Variants in ARHGEF10 observed in about 807,000 individuals in gnomAD.
ARHGEF10 encodes the protein Rho guanine nucleotide exchange factor (GEF) 10.
In ARHGEF10, 140 loss-of-function variants were observed where a neutral mutation model predicts 147.4. The observed-to-expected ratio is 0.95, with a 90% CI of 0.83 to 1.09. The LOEUF is 1.09. ARHGEF10 is among the 50% of genes least tolerant of loss of function. ARHGEF10 has a pLI of 0.00. For synonymous variants in ARHGEF10, 902 were observed against 695.8 expected, an observed-to-expected ratio of 1.30 and a Z score of -4.67; for missense variants, 2,222 against 1,752.7, an observed-to-expected ratio of 1.27 and a Z score of -4.78.
chr8:1,853,628 T>C (rs1394380795), intron 2 of ARHGEF10, among the ~76,000 whole-genome samples: 1 of 152,216 alleles, frequency 6.6e-6, no homozygotes, highest in Non-Finnish European at 1.5e-5. Flanking sequence ...CTTGCCTGGC[T>C]CCCGCCAGGG....
intron 2 of ARHGEF10, among the ~76,000 whole-genome samples, chr8:1,854,566 A>T (rs1805405056): frequency 1.3e-5 from 2 of 151,350 alleles, no homozygotes; most frequent in Non-Finnish European, 3.0e-5. Flanking sequence ...CCAGTCTTTC[A>T]ATGACAGCAG....
chr8:1,824,895 A>C (rs1000811324), intron 1 of ARHGEF10, among the ~76,000 whole-genome samples: 1 of 10,106 alleles, frequency 9.9e-5, no homozygotes, highest in Non-Finnish European at 1.7e-4. Flanking sequence ...AGTTCCCCGC[A>C]CCCCGTGTAC....
At chr8:1,941,647 G>C (rs554442570) in intron 26 of ARHGEF10, among the ~76,000 whole-genome samples, 2 of 151,978 alleles carry the variant, frequency 1.3e-5, no homozygotes, top group Admixed American at 1.3e-4. Context: ...AGGGGATCCA[G>C]AATAGCCAAA....
chr8:1,871,498 C>G (rs1332479567), intron 7 of ARHGEF10, among the ~76,000 whole-genome samples: 1 of 151,966 alleles, frequency 6.6e-6, no homozygotes, highest in Non-Finnish European at 1.5e-5. Flanking sequence ...ATTTTAAAGT[C>G]TAAGGAATTA....
chr8:1,838,041 C>T (rs1220327405), intron 1 of ARHGEF10, among the ~76,000 whole-genome samples: 2 of 152,162 alleles, frequency 1.3e-5, no homozygotes, highest in South Asian at 2.1e-4. Context: ...GAGTTCAGGG[C>T]GTTTATTCAT....
chr8:1,837,362 C>A (rs986296741), intron 1 of ARHGEF10, among the ~76,000 whole-genome samples: 1 of 152,220 alleles, frequency 6.6e-6, no homozygotes, highest in Non-Finnish European at 1.5e-5. Flanking sequence ...AGCTGTCACC[C>A]TTAAAAAGGG....
intron 13 of ARHGEF10, among the ~76,000 whole-genome samples, chr8:1,896,071 C>G (rs1809945660): frequency 6.6e-6 from 1 of 152,164 alleles, no homozygotes; most frequent in African/African-American, 2.4e-5. Flanking sequence ...ACATTCTTAA[C>G]TGAAACCCAA....
intron 15 of ARHGEF10, among the ~76,000 whole-genome samples, chr8:1,900,959 G>T (rs1701246064): frequency 6.6e-6 from 1 of 152,102 alleles, no homozygotes; most frequent in Non-Finnish European, 1.5e-5. Context: ...TCCTAGATGT[G>T]CCGAGCAGTT....
chr8:1,936,408 G>A (rs1236348374), intron 26 of ARHGEF10, among the ~76,000 whole-genome samples: 2 of 152,162 alleles, frequency 1.3e-5, no homozygotes, highest in South Asian at 4.1e-4. Context: ...TATTCGGGAG[G>A]CTGAAGTGGG....
At chr8:1,938,323 G>T (rs1563314190) in intron 26 of ARHGEF10, among the ~76,000 whole-genome samples, 2 of 152,176 alleles carry the variant, frequency 1.3e-5, no homozygotes, top group African/African-American at 4.8e-5. Flanking sequence ...GCCTGGACAG[G>T]TTTCTTGCTT....
At chr8:1,887,805 G>T (rs1808819738) in intron 11 of ARHGEF10, among the ~76,000 whole-genome samples, 1 of 140,534 alleles carries the variant, frequency 7.1e-6, no homozygotes, top group African/African-American at 2.7e-5. Context: ...TAAGGGTTGT[G>T]GGGAGATGCT....
intron 26 of ARHGEF10, among the ~76,000 whole-genome samples, chr8:1,942,184 C>G (rs1461839316): frequency 6.7e-6 from 1 of 149,772 alleles, no homozygotes; most frequent in African/African-American, 2.5e-5. Flanking sequence ...AAAAGACAAC[C>G]CACAGAGTGG....
At chr8:1,938,076 G>C (rs900494046) in intron 26 of ARHGEF10, among the ~76,000 whole-genome samples, 41 of 152,326 alleles carry the variant, frequency 2.7e-4, no homozygotes, top group African/African-American at 9.1e-4. Context: ...GCCGTCAGGA[G>C]CAGATGGGAA....
At chr8:1,834,367 A>T (rs1033417905) in intron 1 of ARHGEF10, among the ~76,000 whole-genome samples, 1 of 152,174 alleles carries the variant, frequency 6.6e-6, no homozygotes, top group Non-Finnish European at 1.5e-5. Context: ...AGACGGTCTC[A>T]GTCCGAGGTG....
At chr8:1,824,477 G>A (rs1223180560) in intron 1 of ARHGEF10, among the ~76,000 whole-genome samples, 6 of 151,912 alleles carry the variant, frequency 3.9e-5, no homozygotes, top group Non-Finnish European at 8.8e-5. Flanking sequence ...CGGTAAAGGA[G>A]AAGAATGCGG....
chr8:1,925,938 G>A (rs4875938), intron 22 of ARHGEF10, among the ~76,000 whole-genome samples: 1 of 152,092 alleles, frequency 6.6e-6, no homozygotes, highest in East Asian at 1.9e-4. Flanking sequence ...TCTCACCCTG[G>A]TCTCTGGCCA....
At chr8:1,942,811 T>G (rs1448317342) in intron 26 of ARHGEF10, among the ~76,000 whole-genome samples, 1 of 152,050 alleles carries the variant, frequency 6.6e-6, no homozygotes, top group Admixed American at 6.5e-5. Flanking sequence ...AAATGCCAAA[T>G]TCAGTGAAAG....
chr8:1,839,260 G>C (rs561257375), intron 1 of ARHGEF10, among the ~76,000 whole-genome samples: 2 of 149,678 alleles, frequency 1.3e-5, no homozygotes, highest in African/African-American at 5.0e-5. Context: ...GTCCGCTGTG[G>C]GTACTGTCTG....
At chr8:1,847,278 T>G (rs147203801) in intron 2 of ARHGEF10, among the ~76,000 whole-genome samples, 207 of 152,236 alleles carry the variant, frequency 1.4e-3, no homozygotes, top group Non-Finnish European at 3.7e-4. Context: ...ACCCCTCTCA[T>G]AAGTTTGGGG....
Sources: gnomAD v4.1 joint callset for allele counts (sites outside exome capture counted in the v4.1 genomes callset) on GRCh38, gnomAD v4.1.1 for gene constraint, MANE v1.5 for transcripts, NCBI Gene and HGNC (gene_info 2026-07-23, HGNC 2026-07-21) for gene names.